Variants in BTBD9 observed in about 807,000 individuals in gnomAD.
BTBD9 encodes BTB/POZ domain-containing protein 9.
BTBD9 carries 49 observed loss-of-function variants against 64.3 expected under a neutral mutation model. The observed-to-expected ratio is 0.76, with a 90% CI of 0.61 to 0.97. BTBD9 has a LOEUF of 0.97. Ranked by LOEUF, BTBD9 falls within the 50% of genes least tolerant of loss-of-function variation. The pLI is 0.00. For synonymous variants in BTBD9, 260 were observed against 274.7 expected, an observed-to-expected ratio of 0.95 and a Z score of 0.53; for missense variants, 598 against 762.1, an observed-to-expected ratio of 0.78 and a Z score of 2.53.
At chr6:38,262,408 T>C (rs1764823540) in intron 8 of BTBD9, among the ~76,000 whole-genome samples, 1 of 152,112 alleles carries the variant, frequency 6.6e-6, no homozygotes, top group Non-Finnish European at 1.5e-5. Context: ...TTATATATGT[T>C]GTCTCCTCCA....
chr6:38,271,566 G>C (rs1765195418), intron 8 of BTBD9, among the ~76,000 whole-genome samples: 1 of 152,040 alleles, frequency 6.6e-6, no homozygotes, highest in African/African-American at 2.4e-5. Context: ...AGTTTTATTG[G>C]AACACAGCCA....
At chr6:38,426,802 C>A (rs1440630011) in intron 6 of BTBD9, among the ~76,000 whole-genome samples, 3 of 151,796 alleles carry the variant, frequency 2.0e-5, no homozygotes, top group Non-Finnish European at 4.4e-5. Context: ...TTCTTGGAAT[C>A]CATGAGGCCA....
At chr6:38,395,721 T>C (rs1338420473) in intron 6 of BTBD9, among the ~76,000 whole-genome samples, 1 of 146,726 alleles carries the variant, frequency 6.8e-6, no homozygotes, top group Non-Finnish European at 1.5e-5. Context: ...TTTTTTTTTG[T>C]CTTTTTGAGA....
At chr6:38,263,542 T>A (rs936012054) in intron 8 of BTBD9, among the ~76,000 whole-genome samples, 1 of 152,154 alleles carries the variant, frequency 6.6e-6, no homozygotes, top group African/African-American at 2.4e-5. Flanking sequence ...TCTCAAAAAT[T>A]TAGAATTATG....
At chr6:38,633,812 C>T (rs935718560) in intron 1 of BTBD9, among the ~76,000 whole-genome samples, 1 of 152,116 alleles carries the variant, frequency 6.6e-6, no homozygotes, top group Non-Finnish European at 1.5e-5. Flanking sequence ...ATATACATCT[C>T]TATACGCGTC....
intron 6 of BTBD9, among the ~76,000 whole-genome samples, chr6:38,537,138 A>C (rs956467239): frequency 6.6e-6 from 1 of 152,214 alleles, no homozygotes; most frequent in Non-Finnish European, 1.5e-5. Context: ...AATTTTTTTA[A>C]AAAATTGGAA....
intron 6 of BTBD9, among the ~76,000 whole-genome samples, chr6:38,354,936 A>G (rs531188002): frequency 1.3e-5 from 2 of 152,044 alleles, no homozygotes; most frequent in South Asian, 4.2e-4. Flanking sequence ...AGAGAGAGAG[A>G]GGAGACACAC....
chr6:38,320,549 A>G (rs1763194479), intron 7 of BTBD9, among the ~76,000 whole-genome samples: 1 of 152,208 alleles, frequency 6.6e-6, no homozygotes, highest in Non-Finnish European at 1.5e-5. Flanking sequence ...TGGACTAGAA[A>G]GCAGGCATTC....
At chr6:38,246,227 A>C (rs886635551) in intron 9 of BTBD9, among the ~76,000 whole-genome samples, 1 of 152,232 alleles carries the variant, frequency 6.6e-6, no homozygotes, top group Non-Finnish European at 1.5e-5. Flanking sequence ...CCTGCAATAC[A>C]AAAGATAAGT....
intron 6 of BTBD9, among the ~76,000 whole-genome samples, chr6:38,439,626 C>G (rs1178024996): frequency 6.6e-6 from 1 of 152,080 alleles, no homozygotes; most frequent in Non-Finnish European, 1.5e-5. Context: ...GGGGTTTCAC[C>G]ATGTTGGCCA....
At chr6:38,222,254 G>GTTTTTTTTTTTTTTTTTTTTTTTTTT (rs771737210) in intron 9 of BTBD9, among the ~76,000 whole-genome samples, 3 of 96,702 alleles carry the variant, frequency 3.1e-5, no homozygotes, top group Non-Finnish European at 5.7e-5. Flanking sequence ...AATTCATTCA[G>GTTTTTTTTTTTTTTTTTTTTTTTTTT]TTGTTTTTTT....
rs572571801 is a variant in BTBD9, at chr6:38,247,079, G to A, written c.1562+9330C>T. Among the ~76,000 whole-genome samples the A allele has an allele frequency of 2.0e-5, 3 of 151,548 alleles. No homozygotes were observed. The South Asian group carries it at 6.2e-4, about 32-fold the overall frequency. On this transcript the variant is annotated intron_variant, in intron 9 of 10. Coordinates refer to ENST00000481247, the MANE Select transcript of BTBD9 (RefSeq NM_001099272.2). Reference sequence around the variant, plus strand: ...AACCCAAAGTTTTTGTTAAGTGTGAGATTAAGAAACAAAGCAGGCAAAAAA... The same window carrying A: ...AACCCAAAGTTTTTGTTAAGTGTGAAATTAAGAAACAAAGCAGGCAAAAAA...
chr6:38,334,957 G>A (rs985730434), intron 7 of BTBD9, among the ~76,000 whole-genome samples: 1 of 152,144 alleles, frequency 6.6e-6, no homozygotes, highest in African/African-American at 2.4e-5. Flanking sequence ...CACGTGTTGA[G>A]GGAGGGACCT....
chr6:38,319,811 G>A (rs73422843), intron 7 of BTBD9, among the ~76,000 whole-genome samples: 1 of 151,930 alleles, frequency 6.6e-6, no homozygotes, highest in South Asian at 2.1e-4. Context: ...GTCTCACTAG[G>A]TTGCATACTC....
At chr6:38,375,859 T>A (rs1433051945) in intron 6 of BTBD9, among the ~76,000 whole-genome samples, 1 of 130,794 alleles carries the variant, frequency 7.6e-6, no homozygotes, top group African/African-American at 2.8e-5. Context: ...CCAAAGCAAT[T>A]AACCTTGAGT....
chr6:38,257,696 C>T (rs901583605), intron 8 of BTBD9, among the ~76,000 whole-genome samples: 1 of 151,942 alleles, frequency 6.6e-6, no homozygotes. Flanking sequence ...TGTTCTTATC[C>T]CCCTTTTCTG....
chr6:38,633,241 A>G (rs1778420213), intron 1 of BTBD9, among the ~76,000 whole-genome samples: 1 of 152,236 alleles, frequency 6.6e-6, no homozygotes, highest in Non-Finnish European at 1.5e-5. Context: ...GACATAAGGA[A>G]TTGGCATGAA....
At chr6:38,618,210 C>T (rs1008217884) in intron 1 of BTBD9, among the ~76,000 whole-genome samples, 12 of 152,186 alleles carry the variant, frequency 7.9e-5, no homozygotes, top group Non-Finnish European at 1.3e-4. Flanking sequence ...CAATTTGACC[C>T]GCAAAACCTG....
At chr6:38,614,610 A>G (rs756717771) in intron 1 of BTBD9, among the ~76,000 whole-genome samples, 2 of 152,196 alleles carry the variant, frequency 1.3e-5, no homozygotes, top group Non-Finnish European at 2.9e-5. Flanking sequence ...TCCTTATGCA[A>G]TGTTCCCTAG....
Sources: gnomAD v4.1 joint callset for allele counts (sites outside exome capture counted in the v4.1 genomes callset) on GRCh38, gnomAD v4.1.1 for gene constraint, MANE v1.5 for transcripts, NCBI Gene and HGNC (gene_info 2026-07-23, HGNC 2026-07-21) for gene names.